ABL1: variants seen among roughly 807,000 people sequenced by gnomAD.
ABL1 encodes the protein tyrosine-protein kinase ABL1.
A neutral mutation model predicts 94.7 loss-of-function variants in ABL1; 11 were observed. The ratio of observed to expected loss-of-function variants is 0.12; its 90% CI spans 0.07 to 0.19. The LOEUF (loss-of-function observed/expected upper bound fraction) is 0.19. Ranked by LOEUF, ABL1 falls within the 10% of genes least tolerant of loss-of-function variation. The pLI is 1.00. For missense variants in ABL1, 1,082 were observed against 1,489.4 expected, an observed-to-expected ratio of 0.73 and a Z score of 4.50; for synonymous variants, 656 against 622.4, an observed-to-expected ratio of 1.05 and a Z score of -0.80.
chr9:130,743,729 C>G (rs1831849018), intron 1 of ABL1, among the ~76,000 whole-genome samples: 1 of 152,114 alleles, frequency 6.6e-6, no homozygotes, highest in South Asian at 2.1e-4. Context: ...GCCAATAGTT[C>G]TAATTGATGG....
At chr9:130,833,916 T>TA, upstream of ABL1, 1 of 429,944 alleles carries the variant, frequency 2.3e-6, no homozygotes, top group Non-Finnish European at 4.8e-6. Flanking sequence ...CTGAAACATA[T>TA]AATGACAATG....
chr9:130,858,616 A>T (rs896443810), intron 3 of ABL1, among the ~76,000 whole-genome samples: 6 of 152,280 alleles, frequency 3.9e-5, no homozygotes, highest in African/African-American at 1.4e-4. Context: ...ACATCGTTAG[A>T]GGGAGCTCCC....
Position 130,879,224 on chromosome 9 carries a change from A to T in ABL1, c.1423+657A>T, listed in dbSNP as rs184746651. ...GTTTTATACTGATTACATATGTGTT[A>T]TCTGTACTATGCACACACAGGATGT... On this transcript the variant is annotated intron_variant, in intron 8 of 10. Transcript: ENST00000318560. 1.2e-4 allele frequency among the ~76,000 whole-genome samples: 18 copies of T among 152,328 alleles called. No individual in the cohort carries two copies. The East Asian group carries it at 3.5e-3, about 29-fold the overall frequency.
chr9:130,791,177 C>T (rs1279020440), intron 1 of ABL1, among the ~76,000 whole-genome samples: 1 of 152,024 alleles, frequency 6.6e-6, no homozygotes, highest in Non-Finnish European at 1.5e-5. Flanking sequence ...AGACAGATTA[C>T]CTACAAAGGA....
chr9:130,822,933 G>GACT (rs1830383348), intron 1 of ABL1, among the ~76,000 whole-genome samples: 1 of 152,066 alleles, frequency 6.6e-6, no homozygotes, highest in African/African-American at 2.4e-5. Context: ...AAGTAGCTGG[G>GACT]ACTACAGGCT....
At chr9:130,744,033 CT>C (rs1371565777) in intron 1 of ABL1, among the ~76,000 whole-genome samples, 1 of 151,848 alleles carries the variant, frequency 6.6e-6, no homozygotes, top group Non-Finnish European at 1.5e-5. Context: ...AACATTTTAT[CT>C]TTAAAACAAA....
At chr9:130,803,354 CAT>C (rs1830082202) in intron 1 of ABL1, among the ~76,000 whole-genome samples, 1 of 152,146 alleles carries the variant, frequency 6.6e-6, no homozygotes, top group African/African-American at 2.4e-5. Context: ...CTTTGTTATT[CAT>C]AGTTTCCTGG....
chr9:130,772,814 A>G (rs1360962539), intron 1 of ABL1, among the ~76,000 whole-genome samples: 1 of 152,226 alleles, frequency 6.6e-6, no homozygotes, highest in Non-Finnish European at 1.5e-5. Context: ...TTTGACTGAG[A>G]TGGGGGCAAA....
chr9:130,779,683 C>T (rs1441070877), intron 1 of ABL1, among the ~76,000 whole-genome samples: 1 of 152,068 alleles, frequency 6.6e-6, no homozygotes, highest in East Asian at 1.9e-4. Flanking sequence ...GCTCCAGAAA[C>T]GCACACACAG....
chr9:130,829,623 A>G (rs2132893090), intron 1 of ABL1, among the ~76,000 whole-genome samples: 1 of 152,124 alleles, frequency 6.6e-6, no homozygotes, highest in South Asian at 2.1e-4. Context: ...TAGTGATTGG[A>G]AAAAATATCA....
intron 10 of ABL1, among the ~76,000 whole-genome samples, chr9:130,882,452 G>C (rs185559096): frequency 1.3e-5 from 2 of 152,256 alleles, no homozygotes; most frequent in Admixed American, 1.3e-4. Context: ...TGAGTTACAG[G>C]TGCCAACAGA....
In ABL1 at chr9:130,880,721, A is replaced by G; in HGVS notation, c.1678+57A>G. On this transcript the variant is annotated intron_variant, in intron 10 of 10. Coordinates refer to ENST00000318560, the MANE Select transcript of ABL1 (RefSeq NM_005157.6). The surrounding 1 kb of genome is among the most constrained non-coding windows in gnomAD (Gnocchi z 4.4). Reference sequence around the variant, plus strand: ...TCTTCCCTTCCCTGCCAGAGGCTACATTCAGGCCATCATAGGCCAACGGGA... The same window carrying G: ...TCTTCCCTTCCCTGCCAGAGGCTACGTTCAGGCCATCATAGGCCAACGGGA... 1.3e-6 allele frequency: 2 copies of G among 1,588,280 alleles called. No homozygotes were observed. Among genetic ancestry groups the G allele is most frequent in the Non-Finnish European group, 8.6e-7 (1 of 1,167,864 alleles).
chr9:130,755,340 G>A (rs547567590), intron 1 of ABL1, among the ~76,000 whole-genome samples: 3 of 152,238 alleles, frequency 2.0e-5, no homozygotes, highest in South Asian at 2.1e-4. Flanking sequence ...TGAGTCTGGC[G>A]ACTAGAAATG....
chr9:130,885,377 G>A lies in ABL1; in HGVS notation c.3087G>A (p.Lys1029=). 6.2e-7 allele frequency: 1 copy of A among 1,613,690 alleles called. No homozygotes were observed. The highest frequency in any genetic ancestry group is 8.5e-7 in the Non-Finnish European group (1 of 1,180,026). ...PERIASGAIT[K]GVVLDSTEAL... is the part of the protein sequence containing the mutation. Reference sequence around the variant, plus strand: ...GGATCGCCAGCGGCGCCATCACCAAGGGCGTGGTCCTGGACAGCACCGAGG... The same window carrying A: ...GGATCGCCAGCGGCGCCATCACCAAAGGCGTGGTCCTGGACAGCACCGAGG... The change falls in exon 11 of 11, where the codon AAG becomes AAA. Residue 1029 remains lysine (K), a synonymous_variant. Coordinates refer to ENST00000318560, the MANE Select transcript of ABL1 (RefSeq NM_005157.6).
At chr9:130,821,303 C>A (rs1488409425) in intron 1 of ABL1, among the ~76,000 whole-genome samples, 3 of 152,176 alleles carry the variant, frequency 2.0e-5, no homozygotes, top group African/African-American at 4.8e-5. Context: ...GTCCTACCCC[C>A]ACTTCCAGCC....
At chr9:130,804,369 C>T (rs1025596089) in intron 1 of ABL1, among the ~76,000 whole-genome samples, 1 of 152,014 alleles carries the variant, frequency 6.6e-6, no homozygotes, top group Non-Finnish European at 1.5e-5. Flanking sequence ...GGCAGATCAC[C>T]TGAGGTCAGG....
At position 130,862,541 on chromosome 9, in the gene ABL1, G is replaced by GC. The variant is rs1831090856; in HGVS notation, c.550-219dup. Among the ~76,000 whole-genome samples the GC allele has an allele frequency of 6.6e-6, 1 of 152,286 alleles. No homozygotes were observed. Among genetic ancestry groups the GC allele is most frequent in the East Asian group, 1.9e-4 (1 of 5,188 alleles). Reference sequence around the variant, plus strand: ...AGAGGGAGCAGCAGCAGGTACAGAGGCCCTGAGGCCTTTTATTGTGTCTTT... The same window carrying GC: ...AGAGGGAGCAGCAGCAGGTACAGAGGCCCCTGAGGCCTTTTATTGTGTCTTT... On this transcript the variant is annotated intron_variant, in intron 3 of 10. Coordinates refer to ENST00000318560, the MANE Select transcript of ABL1 (RefSeq NM_005157.6). The surrounding 1 kb of genome is among the most constrained non-coding windows in gnomAD (Gnocchi z 5.5).
chr9:130,838,565 A>G (rs1180326723), intron 1 of ABL1, among the ~76,000 whole-genome samples: 1 of 143,632 alleles, frequency 7.0e-6, no homozygotes, highest in Non-Finnish European at 1.5e-5. Context: ...TACTGTGTGC[A>G]CATATAAGCA....
chr9:130,734,883 A>G (rs1168082167), intron 1 of ABL1, among the ~76,000 whole-genome samples: 1 of 152,080 alleles, frequency 6.6e-6, no homozygotes, highest in South Asian at 2.1e-4. Context: ...TGTAACAAAC[A>G]TACCTTATGT....
Sources: gnomAD v4.1 joint callset for allele counts (sites outside exome capture counted in the v4.1 genomes callset) on GRCh38, gnomAD v4.1.1 for gene constraint, Gnocchi (gnomAD v3.1) non-coding constraint, MANE v1.5 for transcripts, NCBI Gene and HGNC (gene_info 2026-07-23, HGNC 2026-07-21) for gene names.